Variants in TP63 observed in about 807,000 individuals in gnomAD.
The protein encoded by TP63 is tumor protein 63.
A neutral mutation model predicts 82.8 loss-of-function variants in TP63; 17 were observed. That is an observed-to-expected ratio of 0.21 (90% CI 0.14 to 0.31). The LOEUF (loss-of-function observed/expected upper bound fraction) is 0.31, where lower values mean the gene tolerates loss of function less well. Among genes scored for constraint, TP63 ranks in the 10% least tolerant of loss-of-function variants. The pLI is 1.00. For missense variants in TP63, 648 were observed against 895.3 expected (o/e 0.72, Z 3.52); for synonymous variants, 330 against 321.7 (o/e 1.03, Z -0.28).
chr3:189,691,476 A>G (rs1000854148), intron 1 of TP63, among the ~76,000 whole-genome samples: 3 of 152,072 alleles, frequency 2.0e-5, no homozygotes, highest in Non-Finnish European at 1.5e-5. Context: ...AAGTTGTCAT[A>G]TGCATTTGTA....
intron 1 of TP63, among the ~76,000 whole-genome samples, chr3:189,691,274 G>A (rs1454345448): frequency 6.9e-6 from 1 of 145,854 alleles, no homozygotes; most frequent in Non-Finnish European, 1.5e-5. Context: ...GGGAGGTGGA[G>A]GTTACAGTGA....
intron 4 of TP63, among the ~76,000 whole-genome samples, chr3:189,862,966 A>G (rs534752477): frequency 1.3e-5 from 2 of 152,236 alleles, no homozygotes; most frequent in Non-Finnish European, 2.9e-5. Flanking sequence ...GAATACTTGG[A>G]AGAAAAGGAA....
At chr3:189,636,965 T>G (rs115309238) in intron 1 of TP63, among the ~76,000 whole-genome samples, 2,787 of 152,262 alleles carry the variant, frequency 0.018, 90 homozygotes, top group African/African-American at 0.063. Flanking sequence ...TAATGTATAT[T>G]CATTCCTTTA....
intron 3 of TP63, among the ~76,000 whole-genome samples, chr3:189,749,538 A>C (rs914011161): frequency 6.6e-6 from 1 of 152,168 alleles, no homozygotes; most frequent in Non-Finnish European, 1.5e-5. Context: ...AAAAAATAAC[A>C]GATGTTATTG....
intron 4 of TP63, among the ~76,000 whole-genome samples, chr3:189,827,197 T>TA (rs1560225951): frequency 6.6e-6 from 1 of 152,216 alleles, no homozygotes; most frequent in Non-Finnish European, 1.5e-5. Flanking sequence ...GGCAAACTGA[T>TA]AAACCTAGTT....
chr3:189,713,038 G>A (rs1428269266), intron 1 of TP63, among the ~76,000 whole-genome samples: 3 of 152,060 alleles, frequency 2.0e-5, no homozygotes, highest in African/African-American at 7.2e-5. Context: ...GGTTTGCCTG[G>A]GAATTCTCCC....
chr3:189,618,286 A>G, the TP63 span, among the ~76,000 whole-genome samples: 1 of 152,210 alleles, frequency 6.6e-6, no homozygotes, highest in Non-Finnish European at 1.5e-5. Flanking sequence ...TCTGTATCTC[A>G]AAATGGGCTC....
chr3:189,797,935 T>G lies in TP63; in HGVS notation c.325-10337T>G, dbSNP rs79347171. Among the ~76,000 whole-genome samples the G allele has an allele frequency of 1.0e-3, 156 of 152,154 alleles. 1 individual carries two copies. The highest frequency in any genetic ancestry group is 1.8e-3 in the Non-Finnish European group (124 of 67,966). The stretch of plus-strand genomic sequence containing the variant: ...ACTTAACCCTGAAAAAGCTCTCAGA[T>G]TCCCCCATTCAGGATAACACTTCCA... On this transcript the variant is annotated intron_variant, in intron 3 of 13. Transcript: ENST00000264731.
chr3:189,682,584 A>T (rs1716073098), intron 1 of TP63, among the ~76,000 whole-genome samples: 1 of 126,400 alleles, frequency 7.9e-6, no homozygotes, highest in Non-Finnish European at 1.7e-5. Flanking sequence ...ATATATATAT[A>T]TATATATATA....
rs1721396665 is a variant in TP63, at chr3:189,895,419, C to G, written c.*917C>G. On this transcript the variant is annotated 3_prime_UTR_variant, in exon 14 of 14. Transcript: ENST00000264731. ...ACAATATTGATTGGGAAAACATTTG[C>G]TGCCATTACAGAGGTATTAAAACTA... 1 of 217,274 alleles carries G rather than the reference C, an allele frequency of 4.6e-6. No homozygotes were observed. The highest frequency in any genetic ancestry group is 9.2e-6 in the Non-Finnish European group (1 of 108,188). 13.5% of individuals were successfully genotyped at this position (217,274 alleles called of 1,614,324 possible).
intron 1 of TP63, among the ~76,000 whole-genome samples, chr3:189,639,495 A>G (rs13080545): frequency 0.11 from 16,433 of 152,200 alleles, 1,046 homozygotes; most frequent in East Asian, 0.21. Context: ...GAAGTTCAGA[A>G]TGAATTCATT....
intron 1 of TP63, among the ~76,000 whole-genome samples, chr3:189,733,089 C>T (rs1361828362): frequency 6.6e-6 from 1 of 152,018 alleles, no homozygotes; most frequent in Non-Finnish European, 1.5e-5. Flanking sequence ...CAAGTTTTCA[C>T]AGCTGATTAT....
chr3:189,661,572 G>T (rs962085154), intron 1 of TP63, among the ~76,000 whole-genome samples: 5 of 152,002 alleles, frequency 3.3e-5, no homozygotes, highest in Non-Finnish European at 5.9e-5. Context: ...TGGTATCAGG[G>T]TGATGCTGGC....
chr3:189,660,702 TG>T (rs1195635447), intron 1 of TP63, among the ~76,000 whole-genome samples: 2 of 152,048 alleles, frequency 1.3e-5, no homozygotes, highest in South Asian at 2.1e-4. Context: ...GAGCATGGAA[TG>T]TTTTTTTTCA....
chr3:189,886,338 A>C lies in TP63; in HGVS notation c.1350-56A>C, dbSNP rs190206412. Reference sequence around the variant, plus strand: ...AAACAGAGACCTGTTGAAAATCAATAGTCCCCACTCTTCAGTGTCCCTTGC... The same window carrying C: ...AAACAGAGACCTGTTGAAAATCAATCGTCCCCACTCTTCAGTGTCCCTTGC... On this transcript the variant is annotated intron_variant, in intron 10 of 13. Transcript: ENST00000264731. The C allele has an allele frequency of 7.4e-3, 11,679 of 1,579,446 alleles. 62 individuals are homozygous for C. The highest frequency in any genetic ancestry group is 7.9e-3 in the Non-Finnish European group (9,096 of 1,151,286).
At chr3:189,840,589 G>A (rs147416085) in intron 4 of TP63, among the ~76,000 whole-genome samples, 8 of 151,566 alleles carry the variant, frequency 5.3e-5, no homozygotes, top group African/African-American at 1.9e-4. Flanking sequence ...GGCTGGGTGC[G>A]GTGGCTCACG....
At chr3:189,803,705 T>G (rs1166245317) in intron 3 of TP63, among the ~76,000 whole-genome samples, 1 of 152,214 alleles carries the variant, frequency 6.6e-6, no homozygotes, top group Non-Finnish European at 1.5e-5. Context: ...GTGAGGAACC[T>G]GAATATATCA....
intron 13 of TP63, among the ~76,000 whole-genome samples, chr3:189,891,702 C>T (rs181802694): frequency 2.0e-5 from 3 of 152,256 alleles, no homozygotes; most frequent in Non-Finnish European, 2.9e-5. Flanking sequence ...GCTTCCTACT[C>T]CACTTTTTGA....
At chr3:189,721,542 T>C (rs985006496) in intron 1 of TP63, among the ~76,000 whole-genome samples, 5 of 151,920 alleles carry the variant, frequency 3.3e-5, no homozygotes, top group African/African-American at 1.2e-4. Context: ...ACAACAAGAA[T>C]CCTTGGGTTG....
Sources: allele counts gnomAD v4.1 joint callset (sites outside exome capture counted in the v4.1 genomes callset), GRCh38; gene constraint gnomAD v4.1.1; transcripts MANE v1.5; gene names NCBI Gene and HGNC (gene_info 2026-07-23, HGNC 2026-07-21).